The following PLXDC2 variants were observed in gnomAD, a reference collection of about 807,000 sequenced individuals.
PLXDC2 encodes the protein plexin domain-containing protein 2.
A neutral mutation model predicts 68.9 loss-of-function variants in PLXDC2; 40 were observed. The ratio of observed to expected loss-of-function variants is 0.58; its 90% CI spans 0.45 to 0.76. PLXDC2 has a LOEUF of 0.76. PLXDC2 is among the 30% of genes least tolerant of loss of function. The pLI is 0.00. For missense variants in PLXDC2, 644 were observed against 661.9 expected, an observed-to-expected ratio of 0.97 and a Z score of 0.30; for synonymous variants, 243 against 234.2, an observed-to-expected ratio of 1.04 and a Z score of -0.34.
At chr10:20,050,705 A>C (rs983766177) in intron 3 of PLXDC2, among the ~76,000 whole-genome samples, 1 of 151,790 alleles carries the variant, frequency 6.6e-6, no homozygotes, top group African/African-American at 2.4e-5. Context: ...AAAAAAAAAA[A>C]CAAAAACAAA....
intron 1 of PLXDC2, among the ~76,000 whole-genome samples, chr10:19,894,773 G>A (rs1203243412): frequency 1.3e-5 from 2 of 152,102 alleles, no homozygotes; most frequent in African/African-American, 4.8e-5. Flanking sequence ...TAAAAAGTCA[G>A]GAAACAGATG....
intron 1 of PLXDC2, among the ~76,000 whole-genome samples, chr10:19,883,247 C>T (rs1327147199): frequency 6.6e-6 from 1 of 151,844 alleles, no homozygotes; most frequent in African/African-American, 2.4e-5. Flanking sequence ...CAGGCGTGAG[C>T]CACCCCGCCT....
chr10:20,017,119 G>A lies in PLXDC2; in HGVS notation c.324+15133G>A, dbSNP rs962074626. Among the ~76,000 whole-genome samples the A allele has an allele frequency of 6.6e-5, 10 of 152,178 alleles. 1 individual carries two copies. In the South Asian group the frequency reaches 8.3e-4, roughly 13 times the overall value. ...GAGAGATAAATAGAGAGAGAGAAACGAGAAGCACCTTACTGATTCCCGTTG... is the reference window on the plus strand; with the variant it reads ...GAGAGATAAATAGAGAGAGAGAAACAAGAAGCACCTTACTGATTCCCGTTG... On this transcript the variant is annotated intron_variant, in intron 2 of 13. Transcript: ENST00000377252.
intron 10 of PLXDC2, among the ~76,000 whole-genome samples, chr10:20,216,442 T>C (rs1480679997): frequency 2.0e-5 from 3 of 152,182 alleles, no homozygotes; most frequent in Non-Finnish European, 4.4e-5. Flanking sequence ...GACCCTAGTA[T>C]GTTTAGACTT....
At chr10:19,833,560 C>A (rs1836735215) in intron 1 of PLXDC2, among the ~76,000 whole-genome samples, 1 of 152,216 alleles carries the variant, frequency 6.6e-6, no homozygotes, top group Admixed American at 6.5e-5. Context: ...AGATGAGGGT[C>A]TCAGAAACAG....
chr10:20,057,160 A>G (rs1836013430), intron 3 of PLXDC2, among the ~76,000 whole-genome samples: 1 of 152,200 alleles, frequency 6.6e-6, no homozygotes, highest in South Asian at 2.1e-4. Flanking sequence ...CTCATCCTAA[A>G]GTTATTAAAT....
At chr10:19,844,750 T>G (rs1295553304) in intron 1 of PLXDC2, among the ~76,000 whole-genome samples, 1 of 151,998 alleles carries the variant, frequency 6.6e-6, no homozygotes, top group East Asian at 1.9e-4. Context: ...CGCGCATCAC[T>G]ACACCTGGCT....
intron 1 of PLXDC2, among the ~76,000 whole-genome samples, chr10:19,852,946 C>A (rs1837149630): frequency 1.3e-5 from 2 of 152,188 alleles, no homozygotes; most frequent in Non-Finnish European, 2.9e-5. Context: ...GCAATATAAT[C>A]ATCACCAGGC....
At chr10:20,101,617 A>G (rs1225913515) in intron 4 of PLXDC2, among the ~76,000 whole-genome samples, 1 of 152,110 alleles carries the variant, frequency 6.6e-6, no homozygotes, top group Non-Finnish European at 1.5e-5. Context: ...TTCATCATCA[A>G]AAAACTTCAG....
At chr10:20,154,414 A>G in intron 6 of PLXDC2, among the ~76,000 whole-genome samples, 1 of 152,066 alleles carries the variant, frequency 6.6e-6, no homozygotes, top group East Asian at 1.9e-4. Flanking sequence ...AAATACAAAA[A>G]TTAGCTGGGC....
At chr10:19,965,729 G>T (rs191819551) in intron 1 of PLXDC2, among the ~76,000 whole-genome samples, 1,481 of 136,078 alleles carry the variant, frequency 0.011, 14 homozygotes, top group Non-Finnish European at 0.014. Context: ...GGGGGGGGGG[G>T]TTACATAATT....
chr10:20,100,620 G>A (rs1833410427), intron 4 of PLXDC2, among the ~76,000 whole-genome samples: 1 of 152,178 alleles, frequency 6.6e-6, no homozygotes, highest in Admixed American at 6.5e-5. Context: ...GATATGTAAT[G>A]TCAGGTGAAA....
intron 3 of PLXDC2, among the ~76,000 whole-genome samples, chr10:20,057,780 G>A (rs1836024740): frequency 6.6e-6 from 1 of 152,020 alleles, no homozygotes; most frequent in Non-Finnish European, 1.5e-5. Flanking sequence ...CTGATTCCAT[G>A]TGGGCTAAAC....
At chr10:20,197,960 A>G (rs1010724100) in intron 9 of PLXDC2, among the ~76,000 whole-genome samples, 1 of 152,196 alleles carries the variant, frequency 6.6e-6, no homozygotes, top group Non-Finnish European at 1.5e-5. Flanking sequence ...CTGATCTTAA[A>G]TGTTAATAGC....
At chr10:20,069,659 A>G (rs886456103) in intron 4 of PLXDC2, among the ~76,000 whole-genome samples, 2 of 150,440 alleles carry the variant, frequency 1.3e-5, no homozygotes, top group African/African-American at 4.9e-5. Flanking sequence ...TATCTCTGAA[A>G]ATAAAATAAA....
At chr10:19,982,025 A>C (rs1273635079) in intron 1 of PLXDC2, among the ~76,000 whole-genome samples, 1 of 152,198 alleles carries the variant, frequency 6.6e-6, no homozygotes, top group Non-Finnish European at 1.5e-5. Flanking sequence ...TAAAACGAGA[A>C]TCTCCAGTGC....
At chr10:20,207,506 G>A (rs184310870) in intron 9 of PLXDC2, among the ~76,000 whole-genome samples, 50 of 152,252 alleles carry the variant, frequency 3.3e-4, no homozygotes, top group South Asian at 1.0e-3. Flanking sequence ...CTTTAAGAAC[G>A]ATCTGTTCCA....
chr10:20,157,239 C>G, intron 6 of PLXDC2, among the ~76,000 whole-genome samples: 1 of 152,132 alleles, frequency 6.6e-6, no homozygotes, highest in East Asian at 1.9e-4. Context: ...TTTGTTGTTG[C>G]TGTTGTTTTT....
chr10:20,219,295 T>C (rs1588524767), intron 12 of PLXDC2, among the ~76,000 whole-genome samples, 193 bp downstream of exon 12: 1 of 152,166 alleles, frequency 6.6e-6, no homozygotes, highest in African/African-American at 2.4e-5. Flanking sequence ...CTTGTGTTTG[T>C]GTATAAAACT....
Sources: allele counts gnomAD v4.1 joint callset (sites outside exome capture counted in the v4.1 genomes callset), GRCh38; gene constraint gnomAD v4.1.1; transcripts MANE v1.5; gene names NCBI Gene and HGNC (gene_info 2026-07-23, HGNC 2026-07-21).